Variants in ARHGAP15 observed in about 807,000 individuals in gnomAD.
ARHGAP15 encodes the protein rho GTPase-activating protein 15.
ARHGAP15 carries 51 observed loss-of-function variants against 63.7 expected under a neutral mutation model. The ratio of observed to expected loss-of-function variants is 0.80; its 90% CI spans 0.64 to 1.01. The LOEUF (loss-of-function observed/expected upper bound fraction) is 1.01. Ranked by LOEUF, ARHGAP15 falls within the 50% of genes least tolerant of loss-of-function variation. The pLI is 0.00. For missense variants in ARHGAP15, 560 were observed against 564.6 expected, an observed-to-expected ratio of 0.99 and a Z score of 0.08; for synonymous variants, 191 against 193.8, an observed-to-expected ratio of 0.99 and a Z score of 0.12.
chr2:143,413,941 G>GTA (rs1301630815), intron 6 of ARHGAP15, among the ~76,000 whole-genome samples: 1 of 85,542 alleles, frequency 1.2e-5, no homozygotes, highest in East Asian at 2.8e-4. Context: ...GTGTGTGTGT[G>GTA]TGTGTGTGTG....
intron 3 of ARHGAP15, among the ~76,000 whole-genome samples, chr2:143,203,601 A>T (rs1692211854): frequency 6.6e-6 from 1 of 152,080 alleles, no homozygotes; most frequent in Non-Finnish European, 1.5e-5. Flanking sequence ...GTAACAAATA[A>T]GCACATATAT....
intron 6 of ARHGAP15, among the ~76,000 whole-genome samples, chr2:143,413,654 T>C (rs1475930977): frequency 2.0e-5 from 3 of 152,154 alleles, no homozygotes; most frequent in African/African-American, 7.2e-5. Flanking sequence ...TTTTATGTTT[T>C]GTAAAGATGG....
At chr2:143,167,302 T>C (rs1690581423) in intron 2 of ARHGAP15, among the ~76,000 whole-genome samples, 1 of 152,130 alleles carries the variant, frequency 6.6e-6, no homozygotes, top group African/African-American at 2.4e-5. Flanking sequence ...ATCATGCCAT[T>C]GTAGCCTTTA....
intron 11 of ARHGAP15, among the ~76,000 whole-genome samples, chr2:143,622,233 A>C (rs763034998): frequency 6.6e-6 from 1 of 152,196 alleles, no homozygotes; most frequent in African/African-American, 2.4e-5. Context: ...AAGAATTGGT[A>C]CCATGGGAAG....
At chr2:143,732,039 A>C (rs1194673928) in intron 13 of ARHGAP15, among the ~76,000 whole-genome samples, 1 of 152,226 alleles carries the variant, frequency 6.6e-6, no homozygotes, top group African/African-American at 2.4e-5. Context: ...TTGCACATAA[A>C]AATCACTAAA....
chr2:143,668,282 T>C (rs1682336948), intron 12 of ARHGAP15, among the ~76,000 whole-genome samples: 1 of 86,440 alleles, frequency 1.2e-5, no homozygotes, highest in Admixed American at 1.1e-4. Flanking sequence ...TCTATTTTCT[T>C]TTTTTTTTTT....
chr2:143,231,592 T>C (rs1364422823), intron 5 of ARHGAP15, among the ~76,000 whole-genome samples: 1 of 152,236 alleles, frequency 6.6e-6, no homozygotes, highest in Non-Finnish European at 1.5e-5. Flanking sequence ...TACAGCATGT[T>C]ACAAAGTATT....
At position 143,359,946 on chromosome 2, in the gene ARHGAP15, T is replaced by C. The variant is rs888192899; in HGVS notation, c.475-75655T>C. Among the ~76,000 whole-genome samples, 10 of 152,182 alleles carry C rather than the reference T, an allele frequency of 6.6e-5. No homozygotes were observed. The East Asian group carries it at 1.5e-3, about 23-fold the overall frequency. ...GAAATATGATATTTACAAACACTTT[T>C]TTCTTTTAAAAAGGGCTAATTACAT... On this transcript the variant is annotated intron_variant, in intron 6 of 13. Coordinates refer to ENST00000295095, the MANE Select transcript of ARHGAP15 (RefSeq NM_018460.4).
At chr2:143,670,307 G>T (rs1191942014) in intron 12 of ARHGAP15, among the ~76,000 whole-genome samples, 2 of 152,026 alleles carry the variant, frequency 1.3e-5, no homozygotes, top group Non-Finnish European at 2.9e-5. Flanking sequence ...ATTTTTTCCT[G>T]GTGTCAACGT....
At chr2:143,396,235 A>G (rs1687750520) in intron 6 of ARHGAP15, among the ~76,000 whole-genome samples, 1 of 152,114 alleles carries the variant, frequency 6.6e-6, no homozygotes, top group South Asian at 2.1e-4. Flanking sequence ...TTTGGGAGCA[A>G]CAGAAAGAAA....
intron 8 of ARHGAP15, among the ~76,000 whole-genome samples, chr2:143,484,585 A>G (rs1242625562): frequency 1.3e-5 from 2 of 152,120 alleles, no homozygotes; most frequent in Non-Finnish European, 2.9e-5. Context: ...CAGGCCATAT[A>G]CATGTTATCC....
intron 13 of ARHGAP15, among the ~76,000 whole-genome samples, chr2:143,729,210 A>T (rs900764900): frequency 1.3e-5 from 2 of 152,242 alleles, no homozygotes; most frequent in African/African-American, 4.8e-5. Flanking sequence ...AAGCAAACAC[A>T]GTTTTAGACC....
At chr2:143,406,668 C>T (rs1342163723) in intron 6 of ARHGAP15, among the ~76,000 whole-genome samples, 2 of 151,894 alleles carry the variant, frequency 1.3e-5, no homozygotes, top group African/African-American at 4.8e-5. Flanking sequence ...TATTTTCTCA[C>T]ATAAAATGCA....
intron 8 of ARHGAP15, among the ~76,000 whole-genome samples, chr2:143,480,558 C>A (rs1426226691): frequency 6.6e-6 from 1 of 152,134 alleles, no homozygotes; most frequent in Non-Finnish European, 1.5e-5. Flanking sequence ...TTCCCTCTTT[C>A]AATTATTTCC....
chr2:143,681,363 A>G (rs1683093689), intron 12 of ARHGAP15, among the ~76,000 whole-genome samples: 1 of 152,204 alleles, frequency 6.6e-6, no homozygotes, highest in Non-Finnish European at 1.5e-5. Context: ...CAAACTTTCC[A>G]GTAGCTGCCC....
chr2:143,444,237 T>C (rs1004639444), intron 8 of ARHGAP15, among the ~76,000 whole-genome samples: 5 of 152,204 alleles, frequency 3.3e-5, no homozygotes, highest in Non-Finnish European at 7.3e-5. Flanking sequence ...GAGGGCTCTT[T>C]GCTCTAACTC....
intron 6 of ARHGAP15, among the ~76,000 whole-genome samples, chr2:143,288,097 A>C (rs942976256): frequency 2.2e-4 from 34 of 152,214 alleles, no homozygotes; most frequent in African/African-American, 7.0e-4. Flanking sequence ...AAGCACGAAG[A>C]AGCAGGACCA....
At chr2:143,748,053 T>C (rs574145786) in intron 13 of ARHGAP15, among the ~76,000 whole-genome samples, 3 of 152,204 alleles carry the variant, frequency 2.0e-5, no homozygotes, top group South Asian at 2.1e-4. Context: ...TTTTAGAATA[T>C]AGAACAAAAA....
chr2:143,450,875 C>G (rs1250627994), intron 8 of ARHGAP15, among the ~76,000 whole-genome samples: 1 of 151,972 alleles, frequency 6.6e-6, no homozygotes, highest in Non-Finnish European at 1.5e-5. Flanking sequence ...CTTGTAACCA[C>G]TTCTCATCTT....
Sources: gnomAD v4.1 joint callset for allele counts (sites outside exome capture counted in the v4.1 genomes callset) on GRCh38, gnomAD v4.1.1 for gene constraint, MANE v1.5 for transcripts, NCBI Gene and HGNC (gene_info 2026-07-23, HGNC 2026-07-21) for gene names.